The following MLC1 variants were observed in gnomAD, a reference collection of about 807,000 sequenced individuals.
The protein encoded by MLC1 is membrane protein MLC1.
MLC1 carries 32 observed loss-of-function variants against 44.7 expected under a neutral mutation model. The observed-to-expected ratio is 0.72, with a 90% CI of 0.54 to 0.96. MLC1 has a LOEUF of 0.96. MLC1 is among the 40% of genes least tolerant of loss of function. The probability of loss-of-function intolerance (pLI) is 0.00; values close to 1 mark genes in which losing one functional copy is unlikely to be tolerated. For missense variants in MLC1, 459 were observed against 492.2 expected (o/e 0.93, Z 0.64); for synonymous variants, 190 against 213.0 (o/e 0.89, Z 0.94).
In MLC1 at chr22:50,072,480, G is replaced by A. The variant is rs1286184602; in HGVS notation, c.714+1736C>T. Among the ~76,000 whole-genome samples, 3 of 152,204 alleles carry A rather than the reference G, an allele frequency of 2.0e-5. No individual in the cohort carries two copies. In the East Asian group the frequency reaches 5.8e-4, roughly 29 times the overall value. ...GCCCTGAAGAGAGGGTTGGGAGTGTGGGTGGATTTAGGGGCGCCCAGGGGG... is the reference window on the plus strand; with the variant it reads ...GCCCTGAAGAGAGGGTTGGGAGTGTAGGTGGATTTAGGGGCGCCCAGGGGG... On this transcript the variant is annotated intron_variant, in intron 8 of 11. Coordinates refer to ENST00000311597, the MANE Select transcript of MLC1 (RefSeq NM_015166.4).
chr22:50,064,381 G>T (rs758776292), intron 10 of MLC1, among the ~76,000 whole-genome samples, 183 bp from the exon 11 acceptor site: 3 of 152,156 alleles, frequency 2.0e-5, no homozygotes, highest in Non-Finnish European at 4.4e-5. Flanking sequence ...CAATTAATGA[G>T]GTCAATTCTG....
intron 5 of MLC1, 109 bp downstream of exon 5, chr22:50,079,809 G>A: frequency 1.2e-6 from 1 of 851,444 alleles, no homozygotes; most frequent in Non-Finnish European, 2.0e-6. Flanking sequence ...CTCACGAGCT[G>A]TGAATAACAT....
In MLC1 at chr22:50,064,115, G is replaced by A. The variant is rs11568186; in HGVS notation, c.978C>T (p.Cys326=). Residue 326 remains cysteine, a synonymous_variant, in exon 11 of 12, where the codon TGC becomes TGT. Transcript: ENST00000311597. ...GCCTTGCACTGACCTTGAAGCGCAC[G>A]CACTGGATGGCGGTGCCCGTGTTGA... is the stretch of plus-strand genomic sequence containing the variant. ...AGLNTGTAIQ[C]VRFKVSARLQ... 182,238 of 1,506,278 alleles carry A rather than the reference G, an allele frequency of 0.12. 15,988 individuals are homozygous for A. The highest frequency in any genetic ancestry group is 0.2 in the South Asian group (16,914 of 85,044). The allele number at this position is 1,506,278 out of a possible 1,614,324, so 93.3% of individuals were successfully genotyped here.
rs2061548532 is a variant in MLC1, at chr22:50,060,927, A to G, written c.*656T>C. The G allele has an allele frequency of 6.4e-6, 1 of 156,764 alleles. No homozygotes were observed. The highest frequency in any genetic ancestry group is 1.4e-5 in the Non-Finnish European group (1 of 70,506). The allele number at this position is 156,764 out of a possible 1,614,324, so 9.7% of individuals were successfully genotyped here. On this transcript the variant is annotated 3_prime_UTR_variant, in exon 12 of 12. Coordinates refer to ENST00000311597, the MANE Select transcript of MLC1 (RefSeq NM_015166.4). ...AGACAGGGCAGGCGACCCGGCGTGG[A>G]CTGGTGTGGATTTCACCTGGGAGAG...
chr22:50,066,982 C>T (rs796454691), intron 10 of MLC1, among the ~76,000 whole-genome samples: 42 of 152,242 alleles, frequency 2.8e-4, no homozygotes, highest in African/African-American at 8.9e-4. Context: ...GGCGTGTGGC[C>T]GTCCCCTGCT....
In MLC1 at chr22:50,061,551, G is replaced by A; in HGVS notation, c.*32C>T. On this transcript the variant is annotated 3_prime_UTR_variant, in exon 12 of 12. Coordinates refer to ENST00000311597, the MANE Select transcript of MLC1 (RefSeq NM_015166.4). ...GCGTTTCCATGCTTGGGGCCAGGCTGGGCGCTGCCACCCGGTTTCCGCGTC... is the reference window on the plus strand; with the variant it reads ...GCGTTTCCATGCTTGGGGCCAGGCTAGGCGCTGCCACCCGGTTTCCGCGTC... The A allele has an allele frequency of 1.2e-6, 2 of 1,602,728 alleles. No individual in the cohort carries two copies. The highest frequency in any genetic ancestry group is 1.7e-6 in the Non-Finnish European group (2 of 1,170,850).
At chr22:50,077,525 C>T in intron 5 of MLC1, 23 bp from the exon 6 acceptor site, 2 of 1,591,796 alleles carry the variant, frequency 1.3e-6, no homozygotes, top group Non-Finnish European at 1.7e-6. Context: ...ACACACGCTT[C>T]AGCACCGGGC....
At chr22:50,064,711 G>T (rs1196509200) in intron 10 of MLC1, among the ~76,000 whole-genome samples, 1 of 152,200 alleles carries the variant, frequency 6.6e-6, no homozygotes, top group African/African-American at 2.4e-5. Flanking sequence ...GGTGAGCTCG[G>T]CAGGGAAGAG....
chr22:50,085,639 T>C (rs1445353121), upstream of MLC1: 1 of 153,030 alleles, frequency 6.5e-6, no homozygotes, highest in African/African-American at 2.4e-5. Context: ...GAAAGAAGCG[T>C]CCCTAAGAAT....
rs121908343 is a variant in MLC1 at position 50,079,918 on chromosome 22, G to A, written c.423C>T (p.Asn141=). The part of the protein sequence containing the change: ...CKLVLNPSAI[N]INFNLILLLL... The stretch of plus-strand genomic sequence containing the variant: ...CTGCGCGAAGCTCGTGTGAACTCAC[G>A]TTTATTGCTGATGGGTTCAGGACTA... Residue 141 remains asparagine (N), a splice_region_variant and synonymous_variant, in exon 5 of 12, where the codon AAC becomes AAT. Transcript: ENST00000311597. The A allele has an allele frequency of 2.5e-6, 4 of 1,608,878 alleles. No homozygotes were observed. Among genetic ancestry groups the A allele is most frequent in the East Asian group, 2.2e-5 (1 of 44,868 alleles).
rs114814021 is a variant in MLC1, at chr22:50,065,215, G to A, written c.895-1017C>T. On this transcript the variant is annotated intron_variant, in intron 10 of 11. Coordinates refer to ENST00000311597, the MANE Select transcript of MLC1 (RefSeq NM_015166.4). The stretch of plus-strand genomic sequence containing the variant: ...ATTACAGGCATGTGCCACTACGCCC[G>A]GCCTGGATTTTAAGTAATTATTAGA... Among the ~76,000 whole-genome samples the A allele has an allele frequency of 4.8e-3, 731 of 152,246 alleles. 4 individuals are homozygous for A. The highest frequency in any genetic ancestry group is 0.016 in the African/African-American group (674 of 41,550).
At chr22:50,072,390 G>A (rs1055398189) in intron 8 of MLC1, among the ~76,000 whole-genome samples, 2 of 152,244 alleles carry the variant, frequency 1.3e-5, no homozygotes, top group Non-Finnish European at 2.9e-5. Flanking sequence ...GCCAGACTCA[G>A]GCAGGTGGAG....
chr22:50,060,646 G>A lies in MLC1; in HGVS notation c.*937C>T, dbSNP rs41283491. The A allele has an allele frequency of 0.12, 18,585 of 152,836 alleles. 1,272 individuals are homozygous for A. Among genetic ancestry groups the A allele is most frequent in the South Asian group, 0.23 (1,090 of 4,824 alleles). The allele number at this position is 152,836 out of a possible 1,614,324, so 9.5% of individuals were successfully genotyped here. A position where few individuals can be genotyped will look rare whatever the true frequency, so the allele number is the denominator to read the frequency against. On this transcript the variant is annotated 3_prime_UTR_variant, in exon 12 of 12. Coordinates refer to ENST00000311597, the MANE Select transcript of MLC1 (RefSeq NM_015166.4). ...GGGGCCAGGGAGACGTGGTCCAGCC[G>A]GTTTACAAAGCCTTGGATGCAGCCC...
At chr22:50,068,705 G>T in intron 9 of MLC1, 150 bp from the exon 10 acceptor site, 4 of 747,942 alleles carry the variant, frequency 5.3e-6, no homozygotes, top group South Asian at 1.7e-5. Context: ...TGAAACCTCT[G>T]CCTTTTCTTT....
At chr22:50,078,722 G>C (rs1036422383) in intron 5 of MLC1, among the ~76,000 whole-genome samples, 1 of 149,884 alleles carries the variant, frequency 6.7e-6, no homozygotes, top group African/African-American at 2.5e-5. Flanking sequence ...CTGGGCGACA[G>C]AGCGAGACTG....
chr22:50,074,672 G>A (rs1036088456), intron 7 of MLC1: 17 of 364,296 alleles, frequency 4.7e-5, no homozygotes, highest in Non-Finnish European at 7.0e-5. Flanking sequence ...CAGTGTGGCA[G>A]GCGGCGGTGC....
At chr22:50,070,673 T>C (rs572523989) in intron 8 of MLC1, 90 bp from the exon 9 acceptor site, 6 of 1,351,742 alleles carry the variant, frequency 4.4e-6, no homozygotes, top group South Asian at 1.3e-5. Flanking sequence ...GACCCCTCCA[T>C]GCAGGCTGCC....
intron 10 of MLC1, among the ~76,000 whole-genome samples, chr22:50,066,769 C>G (rs906606407): frequency 6.6e-6 from 1 of 152,056 alleles, no homozygotes; most frequent in African/African-American, 2.4e-5. Context: ...GCAGGTCAGT[C>G]AGGCATGAGA....
At chr22:50,081,576 C>T (rs946101318) in intron 3 of MLC1, among the ~76,000 whole-genome samples, 1 of 152,226 alleles carries the variant, frequency 6.6e-6, no homozygotes, top group Non-Finnish European at 1.5e-5. Flanking sequence ...TGGCCCTTGC[C>T]GTGCAGGGCC....
Sources: allele counts gnomAD v4.1 joint callset (sites outside exome capture counted in the v4.1 genomes callset), GRCh38; gene constraint gnomAD v4.1.1; transcripts MANE v1.5; gene names NCBI Gene and HGNC (gene_info 2026-07-23, HGNC 2026-07-21).